The following SCUBE1 variants were observed in gnomAD, a reference collection of about 807,000 sequenced individuals.
SCUBE1 encodes the protein signal peptide, CUB domain and EGF like domain containing 1.
Under a neutral mutation model 124.4 loss-of-function variants are expected in SCUBE1, and 59 were observed. That is an observed-to-expected ratio of 0.47 (90% CI 0.38 to 0.59). SCUBE1 has a LOEUF of 0.59. SCUBE1 is among the 20% of genes least tolerant of loss of function. SCUBE1 has a pLI of 0.00. For missense variants in SCUBE1, 1,150 were observed against 1,371.2 expected, an observed-to-expected ratio of 0.84 and a Z score of 2.55; for synonymous variants, 545 against 550.9, an observed-to-expected ratio of 0.99 and a Z score of 0.15.
rs138671719 is a variant in SCUBE1 at position 43,339,168 on chromosome 22, G to T, written c.156C>A (p.Asn52Lys). ...DDCHIDAICQ[N>K]TPKSYKCLCK... ...AGAGGCATTTGTAGGACTTGGGCGT[G>T]TTCTGACAGATGGCATCGATGTGGC... Residue 52 changes from asparagine (N) to lysine (K), a missense_variant, in exon 2 of 22, where the codon AAC (asparagine) becomes AAA (lysine). By Grantham distance (94) the Asn-to-Lys change is moderately conservative. This residue lies in a region of SCUBE1 where 337 missense variants were observed against 482.1 expected (regional missense o/e 0.70). Transcript: ENST00000360835. 245 of 1,613,824 alleles carry T rather than the reference G, an allele frequency of 1.5e-4. No homozygotes were observed. The highest frequency in any genetic ancestry group is 1.9e-4 in the Non-Finnish European group (222 of 1,179,850).
chr22:43,220,770 G>C (rs1232823106), intron 13 of SCUBE1, among the ~76,000 whole-genome samples, 183 bp from the exon 14 acceptor site: 6 of 152,214 alleles, frequency 3.9e-5, no homozygotes, highest in Non-Finnish European at 8.8e-5. Flanking sequence ...GCTGAGCCAG[G>C]TCTCACGCCC....
intron 3 of SCUBE1, among the ~76,000 whole-genome samples, chr22:43,316,429 T>A (rs1161492867): frequency 6.6e-6 from 1 of 152,214 alleles, no homozygotes; most frequent in Non-Finnish European, 1.5e-5. Flanking sequence ...ACTCTCTCTA[T>A]CATTTGAAAA....
At chr22:43,300,568 T>C (rs1286080479) in intron 3 of SCUBE1, among the ~76,000 whole-genome samples, 2 of 152,120 alleles carry the variant, frequency 1.3e-5, no homozygotes, top group African/African-American at 4.8e-5. Flanking sequence ...TTCAGGTCCT[T>C]TGCCTATTTT....
intron 3 of SCUBE1, among the ~76,000 whole-genome samples, chr22:43,301,785 C>T (rs938429447): frequency 1.3e-5 from 2 of 152,240 alleles, no homozygotes; most frequent in Non-Finnish European, 2.9e-5. Flanking sequence ...GAACAGTGCA[C>T]GGGGCACATG....
At chr22:43,268,065 C>A (rs147052619) in intron 4 of SCUBE1, among the ~76,000 whole-genome samples, 1 of 152,334 alleles carries the variant, frequency 6.6e-6, no homozygotes, top group East Asian at 1.9e-4. Context: ...CCTCCAGCTC[C>A]CCTGAGCCAG....
In SCUBE1 at chr22:43,229,183, C is replaced by T. The variant is rs375232454; in HGVS notation, c.973G>A (p.Asp325Asn). 30 of 1,610,464 alleles carry T rather than the reference C, an allele frequency of 1.9e-5. No individual in the cohort carries two copies. Among genetic ancestry groups the T allele is most frequent in the Middle Eastern group, 3.3e-4 (2 of 6,066 alleles). ...LTDERTCQDI[D>N]ECSFERTCDH... Reference sequence around the variant, plus strand: ...CAGGTCCGCTCGAAGGAGCACTCGTCGATGTCTGCGTGGCCACAGGGAGAC... The same window carrying T: ...CAGGTCCGCTCGAAGGAGCACTCGTTGATGTCTGCGTGGCCACAGGGAGAC... Residue 325 changes from aspartate to asparagine, a missense_variant, in exon 9 of 22, where the codon GAC (aspartate) becomes AAC (asparagine). By Grantham distance (23) the Asp-to-Asn change is conservative (BLOSUM62 1). Coordinates refer to ENST00000360835, the MANE Select transcript of SCUBE1 (RefSeq NM_173050.5).
chr22:43,251,926 ACAAG>A (rs1452256031), intron 6 of SCUBE1, among the ~76,000 whole-genome samples: 6 of 152,292 alleles, frequency 3.9e-5, no homozygotes, highest in African/African-American at 1.2e-4. Context: ...CAGCCTTGCC[ACAAG>A]CAGGGTCCCG....
intron 2 of SCUBE1, among the ~76,000 whole-genome samples, chr22:43,331,629 G>A (rs1053939137): frequency 6.6e-6 from 1 of 152,340 alleles, no homozygotes; most frequent in South Asian, 2.1e-4. Context: ...ATTAAGATTA[G>A]TAGGACCCAA....
At chr22:43,227,633 A>G (rs1922378732) in intron 9 of SCUBE1, 137 bp from the exon 10 acceptor site, 3 of 1,088,142 alleles carry the variant, frequency 2.8e-6, no homozygotes, top group African/African-American at 1.5e-5. Context: ...GCAGATGAGC[A>G]GTGCACACGC....
chr22:43,307,685 T>C (rs377696849), intron 3 of SCUBE1, among the ~76,000 whole-genome samples: 21 of 152,328 alleles, frequency 1.4e-4, no homozygotes, highest in African/African-American at 4.8e-4. Flanking sequence ...GAGCTCTAAC[T>C]GTGGCCAGTC....
Position 43,210,862 on chromosome 22 carries a change from C to G in SCUBE1, c.2383+60G>C. ...GTGAGATCAGGTCTCCTCCCGCCCC[C>G]ACAACCTGCCCAGCCCCTCCCGTGT... is the stretch of plus-strand genomic sequence containing the variant. On this transcript the variant is annotated intron_variant, in intron 18 of 21. Transcript: ENST00000360835. This position sits in a 1 kb window ranked among gnomAD's most constrained non-coding sequence, Gnocchi z 4.5. 1 of 1,600,476 alleles carries G rather than the reference C, an allele frequency of 6.2e-7. No individual in the cohort carries two copies. The highest frequency in any genetic ancestry group is 1.1e-5 in the South Asian group (1 of 90,170).
intron 4 of SCUBE1, among the ~76,000 whole-genome samples, chr22:43,270,904 A>G (rs886246131): frequency 3.3e-5 from 5 of 152,214 alleles, no homozygotes; most frequent in African/African-American, 1.2e-4. Context: ...GAAAGTTCTC[A>G]GCATGGGACT....
In SCUBE1 at chr22:43,255,641, C is replaced by G. The variant is rs1923628965; in HGVS notation, c.727+2578G>C. The G allele has an allele frequency of 7.2e-7, 1 of 1,383,976 alleles. No homozygotes were observed. The highest frequency in any genetic ancestry group is 1.0e-6 in the Non-Finnish European group (1 of 997,512). The allele number at this position is 1,383,976 out of a possible 1,614,324, so 85.7% of individuals were successfully genotyped here. A position where few individuals can be genotyped will look rare whatever the true frequency, so the allele number is the denominator to read the frequency against. On this transcript the variant is annotated intron_variant, in intron 6 of 21. Transcript: ENST00000360835. This position sits in a 1 kb window ranked among gnomAD's most constrained non-coding sequence, Gnocchi z 4.7. The stretch of plus-strand genomic sequence containing the variant: ...TAATGACAGCCCACTTCCCGCGGCC[C>G]AAGACAGTCAGCCTCTCGGCGTGGC...
chr22:43,268,179 C>T (rs1924149853), intron 4 of SCUBE1, among the ~76,000 whole-genome samples: 1 of 152,228 alleles, frequency 6.6e-6, no homozygotes, highest in Non-Finnish European at 1.5e-5. Flanking sequence ...AACCCCAAGC[C>T]CCAGGCCCAG....
intron 2 of SCUBE1, among the ~76,000 whole-genome samples, chr22:43,336,026 G>A (rs1927068957): frequency 6.6e-6 from 1 of 152,142 alleles, no homozygotes; most frequent in Non-Finnish European, 1.5e-5. Context: ...TGATGATAAT[G>A]ACAGGATCAT....
Position 43,201,263 on chromosome 22 carries a change from C to T in SCUBE1, c.*2734G>A. The T allele has an allele frequency of 8.1e-6, 1 of 123,276 alleles. No individual in the cohort carries two copies. The highest frequency in any genetic ancestry group is 1.6e-5 in the Non-Finnish European group (1 of 63,272). 7.6% of individuals were successfully genotyped at this position (123,276 alleles called of 1,614,324 possible). ...AGCTTGCAGTGAACCAAGATCGCGC[C>T]ACTGCACTCCAGCCTGGGTGACAGA... On this transcript the variant is annotated 3_prime_UTR_variant, in exon 22 of 22. Transcript: ENST00000360835.
At chr22:43,221,441 G>A (rs1401980476) in intron 12 of SCUBE1, 152 bp from the exon 13 acceptor site, 12 of 633,874 alleles carry the variant, frequency 1.9e-5, no homozygotes, top group Non-Finnish European at 2.9e-5. Context: ...TGGGGTGGGG[G>A]ACCCTCTCCT....
Position 43,262,763 on chromosome 22 carries a change from G to A in SCUBE1, c.567C>T (p.Cys189=). 6.2e-7 allele frequency: 1 copy of A among 1,614,178 alleles called. No individual in the cohort carries two copies. Among genetic ancestry groups the A allele is most frequent in the Non-Finnish European group, 8.5e-7 (1 of 1,180,010 alleles). Residue 189 remains cysteine (C), a synonymous_variant, in exon 5 of 22, where the codon TGC becomes TGT. Coordinates refer to ENST00000360835, the MANE Select transcript of SCUBE1 (RefSeq NM_173050.5). The part of the protein sequence containing the change: ...ETPKGGVACD[C]RPGFDLAQNQ... Reference sequence around the variant, plus strand: ...TTTGGGCAAGGTCAAAGCCGGGCCTGCAGTCGCAGGCCACCCCACCTTTGG... The same window carrying A: ...TTTGGGCAAGGTCAAAGCCGGGCCTACAGTCGCAGGCCACCCCACCTTTGG...
Position 43,339,003 on chromosome 22 carries a change from G to A in SCUBE1, c.220+101C>T, listed in dbSNP as rs981181246. The A allele has an allele frequency of 2.5e-5, 34 of 1,382,606 alleles. 2 individuals are homozygous for A. In the South Asian group the frequency reaches 3.9e-4, roughly 16 times the overall value. The allele number at this position is 1,382,606 out of a possible 1,614,324, so 85.6% of individuals were successfully genotyped here. A position where few individuals can be genotyped will look rare whatever the true frequency, so the allele number is the denominator to read the frequency against. ...TGTCAGCAACCACAATGGTGGTGCT[G>A]GAGGCTCAGCCCCAGCTGGTGATGA... On this transcript the variant is annotated intron_variant, in intron 2 of 21. Coordinates refer to ENST00000360835, the MANE Select transcript of SCUBE1 (RefSeq NM_173050.5).
Sources: gnomAD v4.1 joint callset for allele counts (sites outside exome capture counted in the v4.1 genomes callset) on GRCh38, gnomAD v4.1.1 for gene constraint, gnomAD v4.1.1 regional missense constraint, Gnocchi (gnomAD v3.1) non-coding constraint, MANE v1.5 for transcripts, NCBI Gene and HGNC (gene_info 2026-07-23, HGNC 2026-07-21) for gene names.